CPNE4: variants seen among roughly 807,000 people sequenced by gnomAD.
CPNE4 encodes the protein copine-4.
CPNE4 carries 25 observed loss-of-function variants against 67.9 expected under a neutral mutation model. The ratio of observed to expected loss-of-function variants is 0.37; its 90% confidence interval spans 0.27 to 0.51. CPNE4 has a LOEUF of 0.51. Among genes scored for constraint, CPNE4 ranks in the 20% least tolerant of loss-of-function variants. The pLI, the probability that CPNE4 is intolerant of heterozygous loss-of-function variation, is 0.93. For missense variants in CPNE4, 464 were observed against 690.8 expected (o/e 0.67, Z 3.68); for synonymous variants, 242 against 244.9 (o/e 0.99, Z 0.11).
chr3:131,647,131 C>T (rs79563214), intron 7 of CPNE4, among the ~76,000 whole-genome samples: 16,993 of 152,188 alleles, frequency 0.11, 1,379 homozygotes, highest in African/African-American at 0.23. Context: ...GCAGAAGGTT[C>T]TATATTGCAA....
intron 7 of CPNE4, among the ~76,000 whole-genome samples, chr3:131,631,472 A>G (rs1452960213): frequency 6.6e-6 from 1 of 152,222 alleles, no homozygotes; most frequent in Non-Finnish European, 1.5e-5. Context: ...GACTTAATAA[A>G]CAATTCAATT....
chr3:131,997,746 A>T (rs2073331247), intron 1 of CPNE4, among the ~76,000 whole-genome samples: 1 of 152,168 alleles, frequency 6.6e-6, no homozygotes, highest in Non-Finnish European at 1.5e-5. Flanking sequence ...GGTCACAGGT[A>T]TGAACATTTA....
At chr3:131,843,405 C>G (rs2085870531) in intron 2 of CPNE4, among the ~76,000 whole-genome samples, 1 of 152,206 alleles carries the variant, frequency 6.6e-6, no homozygotes, top group South Asian at 2.1e-4. Context: ...TTACACACTA[C>G]AGGGTACGTT....
At chr3:131,580,046 G>A (rs1330815617) in intron 9 of CPNE4, among the ~76,000 whole-genome samples, 3 of 152,078 alleles carry the variant, frequency 2.0e-5, no homozygotes, top group African/African-American at 7.2e-5. Context: ...CAATTAATGA[G>A]AAACTTCATT....
chr3:131,946,772 T>C (rs1257024477), intron 1 of CPNE4, among the ~76,000 whole-genome samples: 3 of 152,332 alleles, frequency 2.0e-5, no homozygotes, highest in Admixed American at 1.3e-4. Context: ...TCATCATGCT[T>C]TTGGTGTCAA....
intron 3 of CPNE4, among the ~76,000 whole-genome samples, chr3:131,721,667 T>A (rs2081892511): frequency 6.6e-6 from 1 of 152,158 alleles, no homozygotes; most frequent in East Asian, 1.9e-4. Context: ...AGTGCTAGGA[T>A]TACTGGTGTG....
intron 7 of CPNE4, among the ~76,000 whole-genome samples, chr3:131,620,046 A>G (rs1157210270): frequency 2.0e-5 from 3 of 152,120 alleles, no homozygotes; most frequent in African/African-American, 7.2e-5. Flanking sequence ...AATTGGGCAA[A>G]AGTAGTGAGT....
chr3:131,932,671 T>G (rs1426316103), intron 1 of CPNE4, among the ~76,000 whole-genome samples: 3 of 151,632 alleles, frequency 2.0e-5, no homozygotes, highest in Non-Finnish European at 4.4e-5. Context: ...TCAAGCAGAA[T>G]GAAGAGCACG....
At chr3:131,841,620 C>G (rs1269679073) in intron 2 of CPNE4, among the ~76,000 whole-genome samples, 2 of 152,184 alleles carry the variant, frequency 1.3e-5, no homozygotes, top group African/African-American at 4.8e-5. Flanking sequence ...CCAAAATCAT[C>G]TCCTTCCTTC....
intron 2 of CPNE4, among the ~76,000 whole-genome samples, chr3:131,855,208 C>T (rs2086392766): frequency 1.3e-5 from 2 of 152,036 alleles, no homozygotes; most frequent in East Asian, 3.9e-4. Flanking sequence ...CCTTTGGGCC[C>T]CATGGTACTC....
At chr3:131,798,481 A>G (rs1192662179) in intron 2 of CPNE4, among the ~76,000 whole-genome samples, 1 of 152,158 alleles carries the variant, frequency 6.6e-6, no homozygotes, top group Non-Finnish European at 1.5e-5. Flanking sequence ...ATAAAATCAG[A>G]TCATTACAAA....
intron 1 of CPNE4, among the ~76,000 whole-genome samples, chr3:132,006,180 C>T (rs189261307): frequency 1.2e-3 from 187 of 152,078 alleles, no homozygotes; most frequent in Non-Finnish European, 8.2e-4. Flanking sequence ...GGAAAGTGGC[C>T]CCTCACTGAC....
At chr3:131,838,473 C>G (rs74639439) in intron 2 of CPNE4, among the ~76,000 whole-genome samples, 2,786 of 151,730 alleles carry the variant, frequency 0.018, 36 homozygotes, top group Non-Finnish European at 0.025. Flanking sequence ...AAGCACTTAA[C>G]TAGTTTATTT....
intron 10 of CPNE4, 120 bp from the exon 11 acceptor site, chr3:131,564,469 C>A: frequency 1.2e-6 from 1 of 863,792 alleles, no homozygotes; most frequent in Non-Finnish European, 1.7e-6. Context: ...ACATACCCTG[C>A]CAATAAAGAA....
chr3:131,552,452 G>T lies in CPNE4; in HGVS notation c.1156C>A (p.Pro386Thr). 6.2e-7 allele frequency: 1 copy of T among 1,612,444 alleles called. No homozygotes were observed. Among genetic ancestry groups the T allele is most frequent in the Non-Finnish European group, 8.5e-7 (1 of 1,178,924 alleles). ...CGTTGTGCTTTACCTGCACATTCTG[G>T]GTTGTCTTCATTAAAGTTGATTGCA... ...DFAINFNEDN[P>T]ECAGIQGVVE... Residue 386 changes from proline (P) to threonine (T), a missense_variant, in exon 13 of 16, where the codon CCA (proline) becomes ACA (threonine). Pro to Thr is a conservative substitution (Grantham distance 38). Coordinates refer to ENST00000429747, the MANE Select transcript of CPNE4 (RefSeq NM_130808.3).
At chr3:131,823,138 CTGTA>C in intron 2 of CPNE4, among the ~76,000 whole-genome samples, 1 of 152,218 alleles carries the variant, frequency 6.6e-6, no homozygotes, top group Non-Finnish European at 1.5e-5. Context: ...TGCGCCCGGT[CTGTA>C]CACTTAACTT....
chr3:131,913,690 T>C (rs2089073271), intron 1 of CPNE4, among the ~76,000 whole-genome samples: 1 of 152,186 alleles, frequency 6.6e-6, no homozygotes. Context: ...TGCCTTGGTC[T>C]CTCCTTCTGC....
At chr3:131,826,562 GT>G (rs1234111118) in intron 2 of CPNE4, among the ~76,000 whole-genome samples, 3 of 151,956 alleles carry the variant, frequency 2.0e-5, no homozygotes, top group Admixed American at 6.6e-5. Flanking sequence ...AGCCCAAGTT[GT>G]TTTTTTGTTT....
At chr3:131,698,445 C>G (rs2081211508) in intron 4 of CPNE4, among the ~76,000 whole-genome samples, 1 of 151,832 alleles carries the variant, frequency 6.6e-6, no homozygotes, top group Non-Finnish European at 1.5e-5. Flanking sequence ...AGAGCACCAT[C>G]AGTGTCTTCA....
Sources: allele counts gnomAD v4.1 joint callset (sites outside exome capture counted in the v4.1 genomes callset), GRCh38; gene constraint gnomAD v4.1.1; transcripts MANE v1.5; gene names NCBI Gene and HGNC (gene_info 2026-07-23, HGNC 2026-07-21).